Variants in ROBO1 observed in about 807,000 individuals in gnomAD.
The protein encoded by ROBO1 is roundabout guidance receptor 1.
A neutral mutation model predicts 195.9 loss-of-function variants in ROBO1; 149 were observed. The observed-to-expected ratio is 0.76, with a 90% CI of 0.67 to 0.87. The LOEUF (loss-of-function observed/expected upper bound fraction) is 0.87. Among genes scored for constraint, ROBO1 ranks in the 40% least tolerant of loss-of-function variants. The pLI, the probability that ROBO1 is intolerant of heterozygous loss-of-function variation, is 0.00. For synonymous variants in ROBO1, 816 were observed against 733.2 expected (o/e 1.11, Z -1.82); for missense variants, 1,933 against 2,068.3 (o/e 0.93, Z 1.27).
chr3:79,193,063 C>T lies in ROBO1; in HGVS notation c.89-67524G>A, dbSNP rs373106972. Among the ~76,000 whole-genome samples, 342 of 151,652 alleles carry T rather than the reference C, an allele frequency of 2.3e-3. 2 individuals carry two copies. Among genetic ancestry groups the T allele is most frequent in the African/African-American group, 7.2e-3 (300 of 41,452 alleles). On this transcript the variant is annotated intron_variant, in intron 2 of 30. Transcript: ENST00000464233. ...AGTGTTCTGGCTTGCAGATGTTGGT[C>T]GCCATAGGTGACATTTACAGAAATA...
intron 2 of ROBO1, among the ~76,000 whole-genome samples, chr3:79,273,246 G>T (rs1419732075): frequency 6.6e-6 from 1 of 151,956 alleles, no homozygotes; most frequent in Non-Finnish European, 1.5e-5. Context: ...GTAAAATACT[G>T]ATATCTTCAG....
chr3:79,158,483 C>A (rs1407602853), intron 2 of ROBO1, among the ~76,000 whole-genome samples: 2 of 150,974 alleles, frequency 1.3e-5, no homozygotes, highest in East Asian at 1.9e-4. Context: ...TTTAATACTT[C>A]TTTTTTTTAA....
intron 5 of ROBO1, among the ~76,000 whole-genome samples, chr3:78,726,025 T>A (rs753952276): frequency 2.0e-5 from 3 of 152,090 alleles, no homozygotes; most frequent in Non-Finnish European, 4.4e-5. Flanking sequence ...TTAACTAGTT[T>A]GGCTACACAA....
chr3:78,646,101 A>G, intron 21 of ROBO1, 47 bp downstream of exon 21: 3 of 1,516,842 alleles, frequency 2.0e-6, no homozygotes, highest in Non-Finnish European at 2.7e-6. Flanking sequence ...AGATGAAGAA[A>G]TATTTGGAAT....
chr3:79,724,077 C>T (rs1317803288), intron 1 of ROBO1, among the ~76,000 whole-genome samples: 3 of 152,166 alleles, frequency 2.0e-5, no homozygotes, highest in African/African-American at 4.8e-5. Context: ...TTACAGTCTT[C>T]GTTGTTCACT....
intron 4 of ROBO1, among the ~76,000 whole-genome samples, chr3:78,934,372 G>C (rs751362550): frequency 1.3e-4 from 20 of 151,620 alleles, no homozygotes; most frequent in Admixed American, 3.9e-4. Flanking sequence ...AGTATTCTTT[G>C]AATACTGAAA....
At chr3:79,179,888 G>A (rs1338763375) in intron 2 of ROBO1, among the ~76,000 whole-genome samples, 1 of 152,144 alleles carries the variant, frequency 6.6e-6, no homozygotes, top group Non-Finnish European at 1.5e-5. Context: ...TACAATAGTT[G>A]CTTGCAGAGA....
rs147986261 is a variant in ROBO1, at chr3:78,766,080, T to C, written c.500-19180A>G. 6.3e-3 allele frequency among the ~76,000 whole-genome samples: 960 copies of C among 152,314 alleles called. 4 individuals carry two copies. The highest frequency in any genetic ancestry group is 0.01 in the Non-Finnish European group (691 of 68,014). ...TTGTATGACTTGGCCAAGTATACTT[T>C]TGACCACATTTCCAACAAATACCTC... On this transcript the variant is annotated intron_variant, in intron 4 of 30. Transcript: ENST00000464233.
chr3:78,947,278 G>A (rs934778672), intron 3 of ROBO1, among the ~76,000 whole-genome samples: 4 of 152,082 alleles, frequency 2.6e-5, no homozygotes, highest in Non-Finnish European at 4.4e-5. Flanking sequence ...AGGAAGTAAA[G>A]CACTCCTCAG....
At chr3:79,294,305 A>C (rs954926462) in intron 2 of ROBO1, among the ~76,000 whole-genome samples, 1 of 152,184 alleles carries the variant, frequency 6.6e-6, no homozygotes, top group East Asian at 1.9e-4. Context: ...CACATCTACA[A>C]CCATCTGATC....
At chr3:79,057,351 A>G (rs760870247) in intron 3 of ROBO1, among the ~76,000 whole-genome samples, 8 of 152,060 alleles carry the variant, frequency 5.3e-5, no homozygotes, top group Non-Finnish European at 1.0e-4. Context: ...CCAGGAGATC[A>G]TCAATCCCCT....
intron 2 of ROBO1, among the ~76,000 whole-genome samples, chr3:79,440,926 A>T (rs1236716196): frequency 1.3e-5 from 2 of 152,138 alleles, no homozygotes; most frequent in African/African-American, 2.4e-5. Flanking sequence ...ATGCAAGCAA[A>T]TATTTTCAAC....
chr3:78,657,131 C>T lies in ROBO1; in HGVS notation c.2581G>A (p.Gly861Arg). Reference protein sequence around the residue: ...EVAASTGAGSGVKSEPQFIQL... With the variant: ...EVAASTGAGSRVKSEPQFIQL... ...ATGAACTGAGGCTCACTCTTTACCC[C>T]AGACCCAGCCCCAGTGCTGGCTGCC... The change falls in exon 18 of 31, where the codon GGG becomes AGG. Residue 861 changes from glycine to arginine, a missense_variant. Physicochemically the swap from Gly to Arg is moderately radical, Grantham distance 125 (BLOSUM62 -2). This residue lies in a region of ROBO1 where 1,737 missense variants were observed against 1,882.5 expected (regional missense o/e 0.92). Transcript: ENST00000464233. 6.2e-7 allele frequency: 1 copy of T among 1,611,594 alleles called. No homozygotes were observed. Among genetic ancestry groups the T allele is most frequent in the Non-Finnish European group, 8.5e-7 (1 of 1,178,878 alleles).
chr3:79,677,060 C>A (rs1459359166), intron 1 of ROBO1, among the ~76,000 whole-genome samples: 3 of 151,888 alleles, frequency 2.0e-5, no homozygotes, highest in African/African-American at 7.2e-5. Flanking sequence ...CAAAGGTGGC[C>A]CTTTCATGAT....
At chr3:79,624,772 C>G (rs1220927453) in intron 1 of ROBO1, among the ~76,000 whole-genome samples, 1 of 152,094 alleles carries the variant, frequency 6.6e-6, no homozygotes, top group African/African-American at 2.4e-5. Context: ...ACCCCACTGT[C>G]TGTATTAGAC....
intron 4 of ROBO1, among the ~76,000 whole-genome samples, chr3:78,788,285 T>C (rs994462538): frequency 6.6e-6 from 1 of 151,100 alleles, no homozygotes; most frequent in South Asian, 2.1e-4. Flanking sequence ...CCAGATAATT[T>C]TTTTTTGTAT....
chr3:79,018,775 C>A (rs2078022980), intron 3 of ROBO1: 2 of 1,108,990 alleles, frequency 1.8e-6, no homozygotes, highest in Admixed American at 7.8e-5. Flanking sequence ...AGTGCCGTTT[C>A]CTGCCTCCAC....
intron 1 of ROBO1, among the ~76,000 whole-genome samples, chr3:79,755,042 G>A (rs745345802): frequency 9.9e-5 from 15 of 151,738 alleles, no homozygotes; most frequent in Admixed American, 2.0e-4. Flanking sequence ...CACCATGCCC[G>A]GCTAATTTTG....
At chr3:78,781,300 A>G (rs1227303217) in intron 4 of ROBO1, among the ~76,000 whole-genome samples, 1 of 152,150 alleles carries the variant, frequency 6.6e-6, no homozygotes, top group Non-Finnish European at 1.5e-5. Flanking sequence ...TCCGACTCCA[A>G]TTTCACATGT....
Sources: allele counts gnomAD v4.1 joint callset (sites outside exome capture counted in the v4.1 genomes callset), GRCh38; gene constraint gnomAD v4.1.1; regional missense constraint gnomAD v4.1.1; transcripts MANE v1.5; gene names NCBI Gene and HGNC (gene_info 2026-07-23, HGNC 2026-07-21).